Variants in SYNPR observed in about 807,000 individuals in gnomAD.
SYNPR encodes synaptoporin.
A neutral mutation model predicts 32.9 loss-of-function variants in SYNPR; 23 were observed. The observed-to-expected ratio is 0.70, with a 90% CI of 0.50 to 0.99. SYNPR has a LOEUF of 0.99. Among genes scored for constraint, SYNPR ranks in the 50% least tolerant of loss-of-function variants. SYNPR has a pLI of 0.00. For missense variants in SYNPR, 318 were observed against 349.3 expected, an observed-to-expected ratio of 0.91 and a Z score of 0.71; for synonymous variants, 146 against 135.9, an observed-to-expected ratio of 1.07 and a Z score of -0.52.
chr3:63,323,081 G>T (rs542096876), intron 2 of SYNPR, among the ~76,000 whole-genome samples: 1 of 152,036 alleles, frequency 6.6e-6, no homozygotes, highest in Non-Finnish European at 1.5e-5. Context: ...CACAAAGCAG[G>T]ACTAGTTTAA....
In SYNPR at chr3:63,420,707, A is replaced by C. The variant is rs547755976; in HGVS notation, c.85-60125A>C. 3.3e-5 allele frequency among the ~76,000 whole-genome samples: 5 copies of C among 152,314 alleles called. No individual in the cohort carries two copies. In the South Asian group the frequency reaches 1.0e-3, roughly 32 times the overall value. ...AAAGATAAAGTTAGGCTTTATTTTAAATTTTTATATGACGAAGGATATCAA... is the reference window on the plus strand; with the variant it reads ...AAAGATAAAGTTAGGCTTTATTTTACATTTTTATATGACGAAGGATATCAA... On this transcript the variant is annotated intron_variant, in intron 2 of 5. Coordinates refer to ENST00000478300, the MANE Select transcript of SYNPR (RefSeq NM_001130003.2).
At chr3:63,577,230 A>G (rs1380560417) in intron 4 of SYNPR, among the ~76,000 whole-genome samples, 1 of 152,228 alleles carries the variant, frequency 6.6e-6, no homozygotes, top group Admixed American at 6.5e-5. Context: ...GCATGTTTAC[A>G]TTCAGATCTT....
intron 3 of SYNPR, among the ~76,000 whole-genome samples, chr3:63,488,205 T>A (rs189187215): frequency 6.6e-6 from 1 of 152,330 alleles, no homozygotes; most frequent in Non-Finnish European, 1.5e-5. Flanking sequence ...ATTTTTTATA[T>A]CTTGTGTTCA....
chr3:63,312,346 T>G (rs2106954538), intron 2 of SYNPR, among the ~76,000 whole-genome samples: 1 of 152,098 alleles, frequency 6.6e-6, no homozygotes, highest in South Asian at 2.1e-4. Flanking sequence ...AACTATAAAT[T>G]CACAGCCTCC....
chr3:63,289,762 A>G (rs949616071), intron 2 of SYNPR, among the ~76,000 whole-genome samples: 5 of 152,232 alleles, frequency 3.3e-5, no homozygotes, highest in Non-Finnish European at 5.9e-5. Context: ...AATAGTATGT[A>G]GAGACAAGTG....
At chr3:63,216,804 G>T in the SYNPR span, among the ~76,000 whole-genome samples, 2 of 50,684 alleles carry the variant, frequency 3.9e-5, 1 homozygote, top group East Asian at 5.1e-4. Context: ...AGAGTTTCCA[G>T]TTTTTCTGTT....
upstream of SYNPR, chr3:63,278,282 T>C: frequency 3.8e-6 from 2 of 527,456 alleles, no homozygotes; most frequent in Non-Finnish European, 6.8e-6. Flanking sequence ...CTGTTGTATC[T>C]ACCCTGCCCC....
chr3:63,555,530 G>A (rs539815985), intron 3 of SYNPR, among the ~76,000 whole-genome samples: 8 of 151,984 alleles, frequency 5.3e-5, no homozygotes, highest in Non-Finnish European at 1.2e-4. Flanking sequence ...TCTTCCTTAG[G>A]TGTTACTTAC....
intron 2 of SYNPR, among the ~76,000 whole-genome samples, chr3:63,300,776 C>G (rs1167495907): frequency 1.3e-5 from 2 of 152,046 alleles, no homozygotes; most frequent in African/African-American, 4.8e-5. Flanking sequence ...TAGCCTGTAT[C>G]TGAAACCATA....
At chr3:63,581,349 A>T (rs1357601174) in intron 4 of SYNPR, among the ~76,000 whole-genome samples, 1 of 152,166 alleles carries the variant, frequency 6.6e-6, no homozygotes, top group African/African-American at 2.4e-5. Context: ...TTGTAGCACT[A>T]AAGCAACACC....
rs2086597406 is a variant in SYNPR, at chr3:63,278,529, G to A, written c.-5G>A. On this transcript the variant is annotated 5_prime_UTR_variant, in exon 1 of 6. Transcript: ENST00000478300. ...GTGGATGAGAAGAGCGAGCGAGGGCGAGCTATGGACCCTGTGAGTCAGGTG... is the reference window on the plus strand; with the variant it reads ...GTGGATGAGAAGAGCGAGCGAGGGCAAGCTATGGACCCTGTGAGTCAGGTG... 5 of 1,548,060 alleles carry A rather than the reference G, an allele frequency of 3.2e-6. No individual in the cohort carries two copies. The East Asian group carries it at 9.8e-5, about 30-fold the overall frequency.
intron 2 of SYNPR, among the ~76,000 whole-genome samples, chr3:63,440,158 C>G (rs1043539826): frequency 6.6e-6 from 1 of 151,998 alleles, no homozygotes; most frequent in African/African-American, 2.4e-5. Context: ...CTCTAAGAAA[C>G]AGAAAGTAGA....
intron 2 of SYNPR, among the ~76,000 whole-genome samples, chr3:63,380,145 C>T (rs1190325168): frequency 2.6e-5 from 4 of 152,172 alleles, no homozygotes; most frequent in Non-Finnish European, 5.9e-5. Context: ...CCTCAATAAA[C>T]ATACATCCGC....
intron 2 of SYNPR, among the ~76,000 whole-genome samples, chr3:63,374,352 T>G (rs2087856792): frequency 6.6e-6 from 1 of 152,194 alleles, no homozygotes; most frequent in Admixed American, 6.5e-5. Flanking sequence ...TTATTCTCAC[T>G]GCATATTCTC....
At chr3:63,278,582 G>A (rs1265851717) in intron 1 of SYNPR, 31 bp downstream of exon 1, 2 of 1,550,976 alleles carry the variant, frequency 1.3e-6, no homozygotes, top group Non-Finnish European at 8.7e-7. Context: ...GCGGCTGGCT[G>A]GGAGCAGGGG....
rs1275412390 is a variant in SYNPR, at chr3:63,313,689, CCATA to C, written c.84+34948_84+34951del. ...AACAGAAATTAATACACATATATAT[CCATA>C]TATATATATCCATATATATATATCC... On this transcript the variant is annotated intron_variant, in intron 2 of 5. Coordinates refer to ENST00000478300, the MANE Select transcript of SYNPR (RefSeq NM_001130003.2). 1.3e-4 allele frequency among the ~76,000 whole-genome samples: 11 copies of C among 82,916 alleles called. 1 individual carries two copies. The highest frequency in any genetic ancestry group is 2.6e-4 in the Admixed American group (2 of 7,658). The allele number at this position is 82,916 out of a possible 152,430, so 54.4% of individuals were successfully genotyped here.
chr3:63,403,888 C>T (rs1465899131), intron 2 of SYNPR, among the ~76,000 whole-genome samples: 1 of 152,138 alleles, frequency 6.6e-6, no homozygotes, highest in Non-Finnish European at 1.5e-5. Context: ...TGGGAGCCAT[C>T]CTTGATCGAC....
intron 2 of SYNPR, among the ~76,000 whole-genome samples, chr3:63,395,896 A>G (rs770607868): frequency 2.0e-5 from 3 of 152,156 alleles, no homozygotes; most frequent in Non-Finnish European, 4.4e-5. Flanking sequence ...AAAAGTTCTA[A>G]AACATTCCAT....
At chr3:63,320,094 T>C (rs982087114) in intron 2 of SYNPR, among the ~76,000 whole-genome samples, 1 of 151,916 alleles carries the variant, frequency 6.6e-6, no homozygotes, top group East Asian at 1.9e-4. Flanking sequence ...GGACTATAGA[T>C]GTGCAGCACC....
Sources: allele counts gnomAD v4.1 joint callset (sites outside exome capture counted in the v4.1 genomes callset), GRCh38; gene constraint gnomAD v4.1.1; transcripts MANE v1.5; gene names NCBI Gene and HGNC (gene_info 2026-07-23, HGNC 2026-07-21).